Variants in GLTP observed in about 807,000 individuals in gnomAD.
The protein encoded by GLTP is glycolipid transfer protein.
GLTP carries 22 observed loss-of-function variants against 24.0 expected under a neutral mutation model. The observed-to-expected ratio is 0.92, with a 90% CI of 0.65 to 1.31. The LOEUF (loss-of-function observed/expected upper bound fraction) is 1.31. Among genes scored for constraint, GLTP ranks in the 50% most tolerant of loss-of-function variants. The probability of loss-of-function intolerance (pLI) is 0.00; values close to 1 mark genes in which losing one functional copy is unlikely to be tolerated. For synonymous variants in GLTP, 92 were observed against 115.9 expected, an observed-to-expected ratio of 0.79 and a Z score of 1.33; for missense variants, 224 against 276.6, an observed-to-expected ratio of 0.81 and a Z score of 1.35.
chr12:109,865,033 C>G (rs568785986), intron 1 of GLTP, among the ~76,000 whole-genome samples: 2 of 152,098 alleles, frequency 1.3e-5, no homozygotes, highest in Non-Finnish European at 2.9e-5. Flanking sequence ...TAAATTCAAG[C>G]CTGTGCCTGC....
chr12:109,852,907 G>C (rs1751184780), intron 4 of GLTP, among the ~76,000 whole-genome samples, 170 bp from the exon 5 acceptor site: 2 of 151,874 alleles, frequency 1.3e-5, no homozygotes, highest in African/African-American at 4.8e-5. Context: ...TTGAGCGACA[G>C]CAGGAAGGAC....
intron 1 of GLTP, among the ~76,000 whole-genome samples, chr12:109,873,823 C>T (rs951890953): frequency 6.7e-6 from 1 of 148,626 alleles, no homozygotes; most frequent in African/African-American, 2.4e-5. Context: ...ACAAAACACA[C>T]ACACACACAC....
At chr12:109,858,419 A>G (rs1892829667) in intron 2 of GLTP, among the ~76,000 whole-genome samples, 1 of 152,230 alleles carries the variant, frequency 6.6e-6, no homozygotes, top group African/African-American at 2.4e-5. Flanking sequence ...GATAGATGAA[A>G]GAACCAGCAG....
chr12:109,873,050 C>T (rs1219094484), intron 1 of GLTP, among the ~76,000 whole-genome samples: 1 of 152,190 alleles, frequency 6.6e-6, no homozygotes, highest in Non-Finnish European at 1.5e-5. Flanking sequence ...TTTAGCTCCT[C>T]AGCTATCATT....
chr12:109,859,149 G>A (rs980129060), intron 1 of GLTP, among the ~76,000 whole-genome samples: 2 of 152,128 alleles, frequency 1.3e-5, no homozygotes, highest in Non-Finnish European at 2.9e-5. Context: ...CGACCTCCTG[G>A]GTTCAAGCCA....
intron 1 of GLTP, among the ~76,000 whole-genome samples, chr12:109,859,497 A>C (rs2193535): frequency 0.55 from 83,144 of 151,810 alleles, 23,380 homozygotes; most frequent in South Asian, 0.66. Flanking sequence ...CCAGCCTGGG[A>C]AACAGAGCGA....
At chr12:109,852,875 G>T in intron 4 of GLTP, 138 bp from the exon 5 acceptor site, 1 of 615,398 alleles carries the variant, frequency 1.6e-6, no homozygotes, top group Non-Finnish European at 2.9e-6. Flanking sequence ...TGTTGGAAGG[G>T]AAAGGAAAAG....
At chr12:109,878,571 C>A (rs1868957384) in intron 1 of GLTP, among the ~76,000 whole-genome samples, 1 of 152,052 alleles carries the variant, frequency 6.6e-6, no homozygotes, top group Non-Finnish European at 1.5e-5. Context: ...TGACTTGGAA[C>A]TATTCCTGCA....
chr12:109,867,278 A>T (rs1868559072), intron 1 of GLTP, among the ~76,000 whole-genome samples: 1 of 151,942 alleles, frequency 6.6e-6, no homozygotes, highest in Non-Finnish European at 1.5e-5. Flanking sequence ...CCTCCCGAGT[A>T]GCTGGGACTA....
intron 1 of GLTP, among the ~76,000 whole-genome samples, chr12:109,868,903 G>A (rs911126077): frequency 2.0e-5 from 3 of 152,084 alleles, no homozygotes; most frequent in African/African-American, 4.8e-5. Flanking sequence ...TTAAGGATAC[G>A]AGCCTTGAGA....
At chr12:109,877,752 G>A (rs1236467187) in intron 1 of GLTP, among the ~76,000 whole-genome samples, 1 of 151,918 alleles carries the variant, frequency 6.6e-6, no homozygotes, top group East Asian at 1.9e-4. Flanking sequence ...GTGACCAGAC[G>A]CTCCCAAGAT....
chr12:109,877,435 A>G (rs1592895418), intron 1 of GLTP, among the ~76,000 whole-genome samples: 1 of 152,202 alleles, frequency 6.6e-6, no homozygotes, highest in Non-Finnish European at 1.5e-5. Flanking sequence ...AGTCATATTT[A>G]TATCTAGAGC....
At chr12:109,870,358 TG>T (rs1276932829) in intron 1 of GLTP, among the ~76,000 whole-genome samples, 3 of 151,810 alleles carry the variant, frequency 2.0e-5, no homozygotes, top group Non-Finnish European at 4.4e-5. Flanking sequence ...TCCAGCTACT[TG>T]GGAGGCTGAG....
chr12:109,857,458 A>G lies in GLTP; in HGVS notation c.296+68T>C. 1 of 1,551,692 alleles carries G rather than the reference A, an allele frequency of 6.4e-7. No homozygotes were observed. The highest frequency in any genetic ancestry group is 1.1e-5 in the South Asian group (1 of 88,050). On this transcript the variant is annotated intron_variant, in intron 3 of 4. Transcript: ENST00000318348. The surrounding 1 kb of genome is among the most constrained non-coding windows in gnomAD (Gnocchi z 4.3). ...TTCCCAGCCTGAGCTGACACTGCGGAACAGTGACAGGTTTGCTTTCCCTCC... is the reference window on the plus strand; with the variant it reads ...TTCCCAGCCTGAGCTGACACTGCGGGACAGTGACAGGTTTGCTTTCCCTCC...
chr12:109,869,287 G>C (rs899073841), intron 1 of GLTP, among the ~76,000 whole-genome samples: 2 of 115,466 alleles, frequency 1.7e-5, no homozygotes, highest in African/African-American at 3.5e-5. Flanking sequence ...CTGGGCGACA[G>C]AGTAAGGCTC....
chr12:109,874,310 T>C (rs1868817177), intron 1 of GLTP, among the ~76,000 whole-genome samples: 1 of 152,170 alleles, frequency 6.6e-6, no homozygotes, highest in Non-Finnish European at 1.5e-5. Flanking sequence ...AAATCTCTGA[T>C]TCTAGGCTGC....
chr12:109,874,474 A>G (rs2136049860), intron 1 of GLTP, among the ~76,000 whole-genome samples: 1 of 152,278 alleles, frequency 6.6e-6, no homozygotes, highest in East Asian at 1.9e-4. Flanking sequence ...AGAGGCATGA[A>G]GAAAAATCAA....
At chr12:109,853,084 G>T (rs1892748647) in intron 4 of GLTP, among the ~76,000 whole-genome samples, 1 of 152,122 alleles carries the variant, frequency 6.6e-6, no homozygotes, top group African/African-American at 2.4e-5. Context: ...GGATTAGGGG[G>T]CTTGTACAAA....
chr12:109,864,631 A>C (rs78665499), intron 1 of GLTP, among the ~76,000 whole-genome samples: 3,320 of 152,074 alleles, frequency 0.022, 127 homozygotes, highest in African/African-American at 0.076. Flanking sequence ...CCCAGGTTAC[A>C]CTCCAGGGAG....
Sources: allele counts gnomAD v4.1 joint callset (sites outside exome capture counted in the v4.1 genomes callset), GRCh38; gene constraint gnomAD v4.1.1; non-coding constraint Gnocchi (gnomAD v3.1); transcripts MANE v1.5; gene names NCBI Gene and HGNC (gene_info 2026-07-23, HGNC 2026-07-21).